The following GPKOW variants were observed in gnomAD, a reference collection of about 807,000 sequenced individuals.
GPKOW encodes the protein G-patch domain and KOW motifs-containing protein.
For synonymous variants in GPKOW, 167 were observed against 159.1 expected (o/e 1.05, Z -0.37); for missense variants, 359 against 404.7 (o/e 0.89, Z 0.97).
chrX:49,115,700 C>T, intron 9 of GPKOW, 26 bp downstream of exon 9: 2 of 1,167,674 alleles, frequency 1.7e-6, no homozygotes, highest in Non-Finnish European at 1.2e-6. Flanking sequence ...CTTGATCAAC[C>T]TCCAGCTGCC....
chrX:49,115,520 AAG>A (rs1396932716), intron 9 of GPKOW, among the ~76,000 whole-genome samples: 4,886 of 86,597 alleles, frequency 0.056, 496 homozygotes, highest in African/African-American at 0.19. Flanking sequence ...AAAAAAAAAA[AAG>A]AAAAAAAAGA....
At chrX:49,119,497 G>A (rs2065206226) in intron 4 of GPKOW, among the ~76,000 whole-genome samples, 1 of 111,860 alleles carries the variant, frequency 8.9e-6, no homozygotes. Context: ...GATGTCCCTA[G>A]AGGCAAACTT....
intron 4 of GPKOW, among the ~76,000 whole-genome samples, chrX:49,118,592 A>T (rs2065202065): frequency 9.3e-6 from 1 of 107,738 alleles, no homozygotes; most frequent in South Asian, 4.2e-4. Context: ...TACAAAAATT[A>T]ACCAGGCATG....
rs781957594 is a variant in GPKOW, at chrX:49,118,762, A to C, written c.566+943T>G. Among the ~76,000 whole-genome samples the C allele has an allele frequency of 1.8e-4, 19 of 103,675 alleles. 1 individual carries two copies. In the South Asian group the frequency reaches 6.3e-3, roughly 34 times the overall value. 90.0% of individuals were successfully genotyped at this position (103,675 alleles called of 115,157 possible). Reference sequence around the variant, plus strand: ...TCAAAAAAAAAAAAAAAAAAAAAAAAAAAACGCCAATTCAGGTCATATTTG... The same window carrying C: ...TCAAAAAAAAAAAAAAAAAAAAAAACAAAACGCCAATTCAGGTCATATTTG... On this transcript the variant is annotated intron_variant, in intron 4 of 10. Transcript: ENST00000156109.
intron 6 of GPKOW, 27 bp from the exon 7 acceptor site, chrX:49,116,350 G>A: frequency 2.1e-6 from 2 of 973,648 alleles, no homozygotes; most frequent in Non-Finnish European, 2.9e-6. Flanking sequence ...TGCTCATCTG[G>A]CCTGTTCAAG....
At chrX:49,116,822 C>T (rs1557090342) in intron 6 of GPKOW, among the ~76,000 whole-genome samples, 2 of 111,452 alleles carry the variant, frequency 1.8e-5, no homozygotes, top group Non-Finnish European at 1.9e-5. Context: ...GGCTACAGAC[C>T]CAGGGGTATG....
At chrX:49,114,201 G>A (rs1166912096) in intron 9 of GPKOW, among the ~76,000 whole-genome samples, 2 of 111,043 alleles carry the variant, frequency 1.8e-5, no homozygotes, top group Non-Finnish European at 3.8e-5. Flanking sequence ...GTGCAATGGT[G>A]TGGTCTTGGC....
In GPKOW at chrX:49,119,695, C is replaced by G. The variant is rs200725342; in HGVS notation, c.566+10G>C. ...TCTGTCTGTCCCCTCGACCCTATCC[C>G]AGAACTCACTGATTGAAGGTGCGGC... On this transcript the variant is annotated intron_variant, in intron 4 of 10. Coordinates refer to ENST00000156109, the MANE Select transcript of GPKOW (RefSeq NM_015698.6). 5.4e-5 allele frequency: 59 copies of G among 1,089,611 alleles called. No homozygotes were observed. The African/African-American group carries it at 9.6e-4, about 18-fold the overall frequency. 89.8% of individuals were successfully genotyped at this position (1,089,611 alleles called of 1,213,427 possible). A position where few individuals can be genotyped will look rare whatever the true frequency, so the allele number is the denominator to read the frequency against.
intron 4 of GPKOW, among the ~76,000 whole-genome samples, 174 bp from the exon 5 acceptor site, chrX:49,117,984 G>T (rs1174237911): frequency 9.7e-6 from 1 of 103,324 alleles, no homozygotes; most frequent in Non-Finnish European, 1.9e-5. Context: ...ACAATGGCTC[G>T]ATCTCGACTC....
chrX:49,116,993 T>A (rs145801821), intron 6 of GPKOW, 37 bp downstream of exon 6: 2 of 1,177,044 alleles, frequency 1.7e-6, no homozygotes, highest in African/African-American at 1.8e-5. Flanking sequence ...TAGGAATGCG[T>A]TGCCAACTCC....
chrX:49,116,905 G>A, intron 6 of GPKOW, 125 bp downstream of exon 6: 1 of 534,699 alleles, frequency 1.9e-6, no homozygotes, highest in Admixed American at 3.1e-5. Flanking sequence ...CTGATTGGAA[G>A]TCATATCTGC....
At chrX:49,114,604 C>CAAAA (rs1185889995) in intron 9 of GPKOW, among the ~76,000 whole-genome samples, 1 of 54,970 alleles carries the variant, frequency 1.8e-5, no homozygotes, top group Non-Finnish European at 3.0e-5. Context: ...GACCCAATCT[C>CAAAA]AAAAAAAAAA....
In GPKOW at chrX:49,122,410, G is replaced by A. The variant is rs1376151981; in HGVS notation, c.444C>T (p.Pro148=). The change falls in exon 3 of 11, where the codon CCC becomes CCT. Residue 148 remains proline, a synonymous_variant. Transcript: ENST00000156109. ...TPSGEGADSE[P]RAETVPEEAN... ...GGGGCCAGCTCACTGTCTCTGCCCG[G>A]GGTTCGCTGTCTGCCCCTTCCCCGC... 8.6e-7 allele frequency: 1 copy of A among 1,164,428 alleles called. No homozygotes were observed. Among genetic ancestry groups the A allele is most frequent in the Non-Finnish European group, 1.1e-6 (1 of 873,668 alleles).
chrX:49,123,526 G>A, intron 1 of GPKOW, 21 bp downstream of exon 1: 2 of 1,186,497 alleles, frequency 1.7e-6, no homozygotes, highest in Non-Finnish European at 1.1e-6. Context: ...TTTCCAAGGG[G>A]TGAAAGACCC....
chrX:49,113,554 C>T lies in GPKOW; in HGVS notation c.*67G>A. On this transcript the variant is annotated 3_prime_UTR_variant, in exon 11 of 11. Coordinates refer to ENST00000156109, the MANE Select transcript of GPKOW (RefSeq NM_015698.6). ...GATGGAACAATGATCTTCCCACCTT[C>T]TGAAGGCAACTTTCTCATATGGTAC... is the stretch of plus-strand genomic sequence containing the variant. The T allele has an allele frequency of 3.7e-6, 4 of 1,088,194 alleles. No individual in the cohort carries two copies. The highest frequency in any genetic ancestry group is 1.9e-5 in the South Asian group (1 of 53,037). 89.7% of individuals were successfully genotyped at this position (1,088,194 alleles called of 1,213,427 possible). A position where few individuals can be genotyped will look rare whatever the true frequency, so the allele number is the denominator to read the frequency against.
chrX:49,123,480 G>A, intron 1 of GPKOW, 67 bp downstream of exon 1: 1 of 1,038,874 alleles, frequency 9.6e-7, no homozygotes, highest in South Asian at 2.2e-5. Context: ...ACAAACAACT[G>A]AGATTCCTCC....
chrX:49,114,470 T>G (rs1477178884), intron 9 of GPKOW, among the ~76,000 whole-genome samples: 1 of 106,832 alleles, frequency 9.4e-6, no homozygotes, highest in Non-Finnish European at 1.9e-5. Context: ...CCAGGCATGG[T>G]GGTCAGTGCC....
intron 8 of GPKOW, 27 bp from the exon 9 acceptor site, chrX:49,115,822 A>G: frequency 8.4e-7 from 1 of 1,191,144 alleles, no homozygotes; most frequent in Non-Finnish European, 1.1e-6. Context: ...GGGGGATGTG[A>G]GATTTTAGAG....
At chrX:49,122,289 G>GTA in intron 3 of GPKOW, 109 bp downstream of exon 3, 2 of 604,685 alleles carry the variant, frequency 3.3e-6, no homozygotes, top group South Asian at 4.1e-5. Flanking sequence ...AGGGGCAGGT[G>GTA]GCGGGCCTCT....
Sources: gnomAD v4.1 joint callset for allele counts (sites outside exome capture counted in the v4.1 genomes callset) on GRCh38, gnomAD v4.1.1 for gene constraint, MANE v1.5 for transcripts, NCBI Gene and HGNC (gene_info 2026-07-23, HGNC 2026-07-21) for gene names.